Variants in NEDD4L observed in about 807,000 individuals in gnomAD.
NEDD4L encodes the protein NEDD4 like E3 ubiquitin protein ligase.
A neutral mutation model predicts 148.9 loss-of-function variants in NEDD4L; 54 were observed. The ratio of observed to expected loss-of-function variants is 0.36; its 90% CI spans 0.29 to 0.45. NEDD4L has a LOEUF of 0.45. NEDD4L is among the 20% of genes least tolerant of loss of function. NEDD4L has a pLI of 1.00. For synonymous variants in NEDD4L, 433 were observed against 440.7 expected (o/e 0.98, Z 0.22); for missense variants, 856 against 1,233.8 (o/e 0.69, Z 4.59).
At chr18:58,205,254 G>A (rs776264836) in intron 2 of NEDD4L, among the ~76,000 whole-genome samples, 5 of 152,156 alleles carry the variant, frequency 3.3e-5, no homozygotes, top group African/African-American at 7.2e-5. Context: ...ACAGTTGTGG[G>A]TTGGTAGGAG....
At chr18:58,371,927 C>G (rs1419247578) in intron 23 of NEDD4L, 2 of 152,198 alleles carry the variant, frequency 1.3e-5, no homozygotes, top group Non-Finnish European at 2.9e-5. Context: ...TCTTCACAGC[C>G]CGTCGTGTCC....
At chr18:58,094,189 C>A (rs1401010198) in intron 1 of NEDD4L, among the ~76,000 whole-genome samples, 1 of 146,784 alleles carries the variant, frequency 6.8e-6, no homozygotes, top group Non-Finnish European at 1.5e-5. Context: ...TTTAATTTTT[C>A]TTTTCTTTTT....
Position 58,252,005 on chromosome 18 carries a change from A to G in NEDD4L, c.248A>G (p.Asn83Ser), listed in dbSNP as rs1471566713. The G allele has an allele frequency of 6.4e-7, 1 of 1,554,220 alleles. No homozygotes were observed. Among genetic ancestry groups the G allele is most frequent in the Non-Finnish European group, 8.9e-7 (1 of 1,125,524 alleles). Residue 83 changes from asparagine to serine, a missense_variant, in exon 5 of 31, where the codon AAC becomes AGC. Asn to Ser is a conservative substitution (Grantham distance 46). Around this residue, in one of 4 missense-constraint regions of NEDD4L, gnomAD observed 193 missense variants for 244.2 expected, o/e 0.79. Transcript: ENST00000400345. ...TACTATTTATGTTCCTTATAGGTAAACCCATCTAATCACAGACTCCTATTT... is the reference window on the plus strand; with the variant it reads ...TACTATTTATGTTCCTTATAGGTAAGCCCATCTAATCACAGACTCCTATTT... ...KWNEEFYFRV[N>S]PSNHRLLFEV...
At chr18:58,345,926 T>TTG (rs1270162662) in intron 16 of NEDD4L, among the ~76,000 whole-genome samples, 13 of 137,770 alleles carry the variant, frequency 9.4e-5, no homozygotes, top group Middle Eastern at 3.7e-3. Flanking sequence ...GTTTTTTGTT[T>TTG]TTTGTTTTTT....
intron 1 of NEDD4L, among the ~76,000 whole-genome samples, chr18:58,161,419 G>T (rs8083107): frequency 1.4e-5 from 2 of 138,586 alleles, no homozygotes; most frequent in East Asian, 2.0e-4. Flanking sequence ...TAATATTTCC[G>T]TGTTTTTTTC....
At chr18:58,304,869 C>G (rs2056893696) in intron 5 of NEDD4L, among the ~76,000 whole-genome samples, 1 of 152,224 alleles carries the variant, frequency 6.6e-6, no homozygotes, top group South Asian at 2.1e-4. Flanking sequence ...CTAAAGATCA[C>G]ATTCTCTGGT....
intron 2 of NEDD4L, among the ~76,000 whole-genome samples, chr18:58,216,182 A>G (rs1281314186): frequency 2.6e-5 from 4 of 152,112 alleles, no homozygotes; most frequent in Non-Finnish European, 5.9e-5. Context: ...AGCAGCCCTG[A>G]AGATTTGGGG....
chr18:58,165,008 A>G (rs554677602), intron 1 of NEDD4L, among the ~76,000 whole-genome samples: 1 of 152,320 alleles, frequency 6.6e-6, no homozygotes, highest in East Asian at 1.9e-4. Flanking sequence ...ACTTCTGCCT[A>G]CCACCTTCTC....
intron 2 of NEDD4L, among the ~76,000 whole-genome samples, chr18:58,186,024 CAT>C: frequency 2.0e-5 from 3 of 152,142 alleles, no homozygotes; most frequent in African/African-American, 7.2e-5. Flanking sequence ...TATGCACACG[CAT>C]ACAGAGAAGG....
At chr18:58,114,796 C>A (rs910619104) in intron 1 of NEDD4L, among the ~76,000 whole-genome samples, 1 of 152,188 alleles carries the variant, frequency 6.6e-6, no homozygotes, top group Non-Finnish European at 1.5e-5. Flanking sequence ...GGACATCTAG[C>A]AGCCTCAGCT....
chr18:58,142,195 C>T (rs9807169), intron 1 of NEDD4L, among the ~76,000 whole-genome samples: 7 of 145,676 alleles, frequency 4.8e-5, no homozygotes, highest in Non-Finnish European at 3.0e-5. Flanking sequence ...TACAGGCACC[C>T]GCCACCACGC....
chr18:58,057,992 A>G (rs1598972425), intron 1 of NEDD4L, among the ~76,000 whole-genome samples: 2 of 152,180 alleles, frequency 1.3e-5, no homozygotes, highest in East Asian at 1.9e-4. Context: ...AGCCATTCCA[A>G]TTTCTTAAAG....
At chr18:58,130,191 T>A (rs2031849249) in intron 1 of NEDD4L, among the ~76,000 whole-genome samples, 1 of 145,048 alleles carries the variant, frequency 6.9e-6, no homozygotes, top group South Asian at 2.3e-4. Flanking sequence ...ACTGTGGCGG[T>A]GTTGGGCTCT....
intron 19 of NEDD4L, among the ~76,000 whole-genome samples, chr18:58,360,223 G>A (rs1000593040): frequency 8.5e-5 from 13 of 152,196 alleles, no homozygotes; most frequent in Non-Finnish European, 1.3e-4. Context: ...GGCTTCTTCA[G>A]TATGGGGATT....
At chr18:58,113,949 C>T (rs2085589672) in intron 1 of NEDD4L, among the ~76,000 whole-genome samples, 1 of 152,178 alleles carries the variant, frequency 6.6e-6, no homozygotes, top group South Asian at 2.1e-4. Context: ...GACATGGGGC[C>T]TCAGTGCCCA....
At position 58,256,821 on chromosome 18, in the gene NEDD4L, T is replaced by G; in HGVS notation, c.297+4767T>G. 1 of 1,225,306 alleles carries G rather than the reference T, an allele frequency of 8.2e-7. No individual in the cohort carries two copies. The highest frequency in any genetic ancestry group is 4.1e-5 in the South Asian group (1 of 24,174). The allele number at this position is 1,225,306 out of a possible 1,614,324, so 75.9% of individuals were successfully genotyped here. On this transcript the variant is annotated intron_variant, in intron 5 of 30. Coordinates refer to ENST00000400345, the MANE Select transcript of NEDD4L (RefSeq NM_001144967.3). The surrounding 1 kb of genome is among the most constrained non-coding windows in gnomAD (Gnocchi z 5.2). ...ATGTGTTTACTGATTTCAACTTCGA[T>G]GCTTACTCTGCGGCGTAACCAAAAT...
chr18:58,069,776 A>G (rs2082775799), intron 1 of NEDD4L, among the ~76,000 whole-genome samples: 1 of 152,236 alleles, frequency 6.6e-6, no homozygotes, highest in Non-Finnish European at 1.5e-5. Context: ...TATTAATTTC[A>G]AGTTTTTCAG....
rs141868119 is a variant in NEDD4L at position 58,084,341 on chromosome 18, C to T, written c.48+39633C>T. 1.1e-4 allele frequency among the ~76,000 whole-genome samples: 17 copies of T among 152,212 alleles called. No individual in the cohort carries two copies. In the East Asian group the frequency reaches 3.1e-3, roughly 28 times the overall value. On this transcript the variant is annotated intron_variant, in intron 1 of 30. Transcript: ENST00000400345. ...TTCTTAGATTATGAGGATGCTTGTA[C>T]GACTCTGTGGATATACTCAAAACGA...
chr18:58,394,477 G>A (rs751767099), intron 30 of NEDD4L, among the ~76,000 whole-genome samples: 7 of 152,250 alleles, frequency 4.6e-5, no homozygotes, highest in Non-Finnish European at 8.8e-5. Context: ...TTGCAGGCCC[G>A]GGACTGTGAA....
Sources: allele counts gnomAD v4.1 joint callset (sites outside exome capture counted in the v4.1 genomes callset), GRCh38; gene constraint gnomAD v4.1.1; regional missense constraint gnomAD v4.1.1; non-coding constraint Gnocchi (gnomAD v3.1); transcripts MANE v1.5; gene names NCBI Gene and HGNC (gene_info 2026-07-23, HGNC 2026-07-21).